The following EYS variants were observed in gnomAD, a reference collection of about 807,000 sequenced individuals.
EYS encodes protein eyes shut homolog.
EYS carries 250 observed loss-of-function variants against 282.1 expected under a neutral mutation model. The observed-to-expected ratio is 0.89, with a 90% CI of 0.80 to 0.98. The LOEUF (loss-of-function observed/expected upper bound fraction) is 0.98. Ranked by LOEUF, EYS falls within the 50% of genes least tolerant of loss-of-function variation. The probability of loss-of-function intolerance (pLI) is 0.00; values close to 1 mark genes in which losing one functional copy is unlikely to be tolerated. For synonymous variants in EYS, 1,355 were observed against 1,282.9 expected (o/e 1.06, Z -1.20); for missense variants, 4,016 against 3,709.0 (o/e 1.08, Z -2.15).
intron 1 of EYS, among the ~76,000 whole-genome samples, chr6:65,643,248 C>T (rs781477110): frequency 1.1e-4 from 16 of 152,202 alleles, no homozygotes; most frequent in South Asian, 2.1e-4. Flanking sequence ...CAGGGTGAGT[C>T]CTGCGACTGC....
intron 2 of EYS, among the ~76,000 whole-genome samples, chr6:65,612,759 T>A (rs1185723258): frequency 7.6e-6 from 1 of 130,780 alleles, no homozygotes; most frequent in Non-Finnish European, 1.8e-5. Flanking sequence ...TGGTATGTTA[T>A]TTATTATAAC....
intron 12 of EYS, among the ~76,000 whole-genome samples, chr6:65,075,986 A>G (rs1220091937): frequency 6.6e-6 from 1 of 152,062 alleles, no homozygotes; most frequent in Non-Finnish European, 1.5e-5. Context: ...AGCAAGCATT[A>G]AAACAGTAAA....
In EYS at chr6:65,703,363, G is replaced by A. The variant is rs181450235; in HGVS notation, c.-448+3772C>T. Among the ~76,000 whole-genome samples the A allele has an allele frequency of 2.6e-5, 4 of 152,180 alleles. No homozygotes were observed. The East Asian group carries it at 7.7e-4, about 29-fold the overall frequency. On this transcript the variant is annotated intron_variant, in intron 1 of 42. Coordinates refer to ENST00000503581, the MANE Select transcript of EYS (RefSeq NM_001142800.2). ...ATAGATATATAATAAGAAAATATGT[G>A]AGCAATAATTCTTTTTTTATAAATT...
intron 26 of EYS, among the ~76,000 whole-genome samples, chr6:64,447,182 T>C (rs1213472739): frequency 1.3e-5 from 2 of 152,162 alleles, no homozygotes; most frequent in Non-Finnish European, 2.9e-5. Context: ...TACCCACAGA[T>C]ACTGTCTAAA....
intron 22 of EYS, among the ~76,000 whole-genome samples, chr6:64,645,811 T>C (rs976389673): frequency 2.6e-5 from 4 of 152,212 alleles, no homozygotes; most frequent in Non-Finnish European, 5.9e-5. Context: ...ATGATTGTTG[T>C]TACTGAAAAA....
intron 32 of EYS, among the ~76,000 whole-genome samples, chr6:64,067,206 G>A (rs1771403696): frequency 6.6e-6 from 1 of 151,952 alleles, no homozygotes; most frequent in Non-Finnish European, 1.5e-5. Context: ...TCTGTCCCTG[G>A]AAGCCCATGG....
At chr6:64,789,543 T>C (rs1774121824) in intron 22 of EYS, among the ~76,000 whole-genome samples, 1 of 152,194 alleles carries the variant, frequency 6.6e-6, no homozygotes, top group Admixed American at 6.6e-5. Flanking sequence ...ATATTTTTAA[T>C]ACCGTAGTTT....
intron 5 of EYS, among the ~76,000 whole-genome samples, chr6:65,451,692 T>C (rs1273457271): frequency 1.3e-5 from 2 of 151,972 alleles, no homozygotes; most frequent in Admixed American, 1.3e-4. Flanking sequence ...CATTTGAGTA[T>C]GAAACACACT....
chr6:64,272,502 T>C (rs1767977076), intron 30 of EYS, among the ~76,000 whole-genome samples: 1 of 152,184 alleles, frequency 6.6e-6, no homozygotes, highest in African/African-American at 2.4e-5. Context: ...TGCTTGTCTG[T>C]AATGGATTTT....
At chr6:64,409,503 C>T (rs1462957563) in intron 28 of EYS, among the ~76,000 whole-genome samples, 2 of 152,114 alleles carry the variant, frequency 1.3e-5, no homozygotes, top group Admixed American at 1.3e-4. Flanking sequence ...TTTTTCTTTC[C>T]ATTCAAAGAG....
chr6:64,213,909 T>C (rs999687029), intron 31 of EYS, among the ~76,000 whole-genome samples: 1 of 152,140 alleles, frequency 6.6e-6, no homozygotes, highest in Non-Finnish European at 1.5e-5. Context: ...AATGGTATGG[T>C]TGATTTCACA....
chr6:63,906,119 A>G (rs1367881611), intron 35 of EYS, among the ~76,000 whole-genome samples: 3 of 152,254 alleles, frequency 2.0e-5, no homozygotes, highest in African/African-American at 7.2e-5. Context: ...TATAAAATGT[A>G]GGAAGATATT....
At chr6:65,088,545 A>T (rs965710900) in intron 12 of EYS, among the ~76,000 whole-genome samples, 1 of 152,194 alleles carries the variant, frequency 6.6e-6, no homozygotes, top group Non-Finnish European at 1.5e-5. Context: ...GATCTAGGTT[A>T]TCTGGCAGAA....
chr6:64,569,773 C>A (rs1464910163), intron 26 of EYS, among the ~76,000 whole-genome samples: 2 of 151,964 alleles, frequency 1.3e-5, no homozygotes, highest in African/African-American at 4.8e-5. Flanking sequence ...ACAGACAAAG[C>A]CTCCAAGAAA....
chr6:65,212,718 G>C (rs1259024134), intron 12 of EYS, among the ~76,000 whole-genome samples: 1 of 152,010 alleles, frequency 6.6e-6, no homozygotes, highest in East Asian at 1.9e-4. Flanking sequence ...AAAATAAGGA[G>C]AGATGCTCTT....
chr6:64,126,940 C>A lies in EYS; in HGVS notation c.6425-44938G>T, dbSNP rs796260021. ...CCTAGTCCAATGCCTATTCTAGGCT[C>A]CAGTAAGACATAGACTCTGTAGCAT... is the stretch of plus-strand genomic sequence containing the variant. On this transcript the variant is annotated intron_variant, in intron 31 of 42. Transcript: ENST00000503581. Among the ~76,000 whole-genome samples, 15 of 152,042 alleles carry A rather than the reference C, an allele frequency of 9.9e-5. 1 individual carries two copies. Among genetic ancestry groups the A allele is most frequent in the African/African-American group, 3.6e-4 (15 of 41,476 alleles).
chr6:64,518,850 C>T (rs148130860), intron 26 of EYS, among the ~76,000 whole-genome samples: 266 of 149,924 alleles, frequency 1.8e-3, no homozygotes, highest in African/African-American at 6.2e-3. Flanking sequence ...GTTTGCTTCC[C>T]TTTTTGCCAT....
intron 12 of EYS, among the ~76,000 whole-genome samples, chr6:65,221,066 T>C (rs939079503): frequency 6.6e-6 from 1 of 152,190 alleles, no homozygotes; most frequent in Non-Finnish European, 1.5e-5. Flanking sequence ...TTCAATTTTA[T>C]GTATTCACAA....
At chr6:63,980,080 A>G (rs569257135) in intron 35 of EYS, among the ~76,000 whole-genome samples, 145 of 152,032 alleles carry the variant, frequency 9.5e-4, no homozygotes, top group African/African-American at 3.4e-3. Context: ...CCATTGTAAC[A>G]GTATTTCATT....
Sources: allele counts gnomAD v4.1 joint callset (sites outside exome capture counted in the v4.1 genomes callset), GRCh38; gene constraint gnomAD v4.1.1; transcripts MANE v1.5; gene names NCBI Gene and HGNC (gene_info 2026-07-23, HGNC 2026-07-21).